Variants in MYO16 observed in about 807,000 individuals in gnomAD.
MYO16 encodes myosin XVI, also known as unconventional myosin-XVI.
Under a neutral mutation model 205.3 loss-of-function variants are expected in MYO16, and 94 were observed. That is an observed-to-expected ratio of 0.46 (90% CI 0.39 to 0.54). The LOEUF is 0.54. MYO16 is among the 20% of genes least tolerant of loss of function. MYO16 has a pLI of 0.00. For missense variants in MYO16, 2,315 were observed against 2,387.5 expected (o/e 0.97, Z 0.63); for synonymous variants, 988 against 954.0 (o/e 1.04, Z -0.66).
At chr13:108,917,257 C>T (rs1881539194) in intron 16 of MYO16, among the ~76,000 whole-genome samples, 1 of 152,204 alleles carries the variant, frequency 6.6e-6, no homozygotes, top group African/African-American at 2.4e-5. Flanking sequence ...GTCTTAGGCC[C>T]ATCCCGGGCC....
chr13:109,127,156 C>A lies in MYO16; in HGVS notation c.3783-126C>A. On this transcript the variant is annotated intron_variant, in intron 30 of 34. Transcript: ENST00000457511. This position sits in a 1 kb window ranked among gnomAD's most constrained non-coding sequence, Gnocchi z 4.2. The stretch of plus-strand genomic sequence containing the variant: ...CCAGAGGGCTGCACACGTCCTCCAG[C>A]CACAGCAGGAAGGGCTGCTTGCCAA... 1 of 1,260,878 alleles carries A rather than the reference C, an allele frequency of 7.9e-7. No homozygotes were observed. The highest frequency in any genetic ancestry group is 1.1e-6 in the Non-Finnish European group (1 of 940,916). The allele number at this position is 1,260,878 out of a possible 1,614,324, so 78.1% of individuals were successfully genotyped here.
chr13:109,101,899 G>A (rs896879866), intron 28 of MYO16: 1 of 152,154 alleles, frequency 6.6e-6, no homozygotes, highest in African/African-American at 2.4e-5. Flanking sequence ...GAAATGACAT[G>A]AGCTGATGAT....
intron 33 of MYO16, among the ~76,000 whole-genome samples, chr13:109,175,389 T>C (rs539754780): frequency 1.6e-4 from 25 of 152,274 alleles, no homozygotes; most frequent in Admixed American, 1.4e-3. Flanking sequence ...TTCTATGGAG[T>C]GTCCACAGCA....
chr13:109,145,160 T>C (rs1395701058), intron 32 of MYO16, among the ~76,000 whole-genome samples: 1 of 152,196 alleles, frequency 6.6e-6, no homozygotes, highest in Admixed American at 6.5e-5. Context: ...GTCTGAGTCA[T>C]CTAATTCTCA....
Position 109,090,021 on chromosome 13 carries a change from G to A in MYO16, c.3336-10764G>A, listed in dbSNP as rs564422010. ...GAGCCAAGAATTGCATGGGAAAGAC[G>A]TTTGCAGCAATGTGAAGTGTCACAA... is the stretch of plus-strand genomic sequence containing the variant. On this transcript the variant is annotated intron_variant, in intron 27 of 34. Transcript: ENST00000457511. 2.2e-4 allele frequency among the ~76,000 whole-genome samples: 33 copies of A among 152,346 alleles called. 1 individual carries two copies. In the South Asian group the frequency reaches 6.2e-3, roughly 29 times the overall value.
intron 1 of MYO16, among the ~76,000 whole-genome samples, chr13:108,602,015 G>T (rs374791211): frequency 6.6e-6 from 1 of 150,416 alleles, no homozygotes; most frequent in Non-Finnish European, 1.5e-5. Flanking sequence ...AGTCATAATG[G>T]TGGGGCCCTC....
intron 21 of MYO16, among the ~76,000 whole-genome samples, chr13:108,996,633 A>G (rs1885011300): frequency 6.6e-6 from 1 of 152,340 alleles, no homozygotes; most frequent in Non-Finnish European, 1.5e-5. Flanking sequence ...AAGGAAATGG[A>G]AAAAGCAGAA....
chr13:108,581,745 G>A, the MYO16 span, among the ~76,000 whole-genome samples: 17 of 151,948 alleles, frequency 1.1e-4, no homozygotes, highest in Non-Finnish European at 1.5e-4. Context: ...AATTAGCCAG[G>A]CATGGTGGTG....
chr13:108,765,539 T>A (rs1161599524), intron 4 of MYO16, among the ~76,000 whole-genome samples: 3 of 152,222 alleles, frequency 2.0e-5, no homozygotes, highest in Non-Finnish European at 4.4e-5. Flanking sequence ...CTGGGTTTTT[T>A]ACTCATTTTA....
intron 32 of MYO16, among the ~76,000 whole-genome samples, chr13:109,163,344 T>C (rs1022876345): frequency 2.8e-4 from 42 of 152,140 alleles, no homozygotes; most frequent in African/African-American, 9.2e-4. Flanking sequence ...CTTGTAGTGC[T>C]ATTTGAGGGT....
At chr13:108,633,079 G>A (rs1223703192) in intron 1 of MYO16, among the ~76,000 whole-genome samples, 1 of 152,012 alleles carries the variant, frequency 6.6e-6, no homozygotes, top group Admixed American at 6.6e-5. Flanking sequence ...TGCAGCAGGA[G>A]GAAGGTTAAA....
chr13:109,023,310 A>C (rs1465976436), intron 23 of MYO16, among the ~76,000 whole-genome samples: 4 of 85,654 alleles, frequency 4.7e-5, no homozygotes, highest in African/African-American at 1.9e-4. Context: ...ATAAATATAT[A>C]TATTTATATA....
chr13:108,865,583 T>A (rs1205513324), intron 11 of MYO16, among the ~76,000 whole-genome samples: 2 of 152,084 alleles, frequency 1.3e-5, no homozygotes, highest in Non-Finnish European at 2.9e-5. Flanking sequence ...CATATTTTAA[T>A]ACAATTTATA....
the MYO16 span, among the ~76,000 whole-genome samples, chr13:108,532,233 A>G: frequency 6.6e-6 from 1 of 151,936 alleles, no homozygotes; most frequent in African/African-American, 2.4e-5. Context: ...TAAAATAAAA[A>G]TAAATAAATG....
At chr13:109,023,447 A>G (rs1358983295) in intron 23 of MYO16, among the ~76,000 whole-genome samples, 1 of 96,662 alleles carries the variant, frequency 1.0e-5, no homozygotes, top group South Asian at 3.1e-4. Flanking sequence ...TTATACAGAT[A>G]TAAATATATA....
At chr13:108,709,132 C>T (rs1209282902) in intron 2 of MYO16, among the ~76,000 whole-genome samples, 1 of 152,076 alleles carries the variant, frequency 6.6e-6, no homozygotes. Flanking sequence ...TCTATTTGGT[C>T]CCCAGATGGC....
rs147672221 is a variant in MYO16, at chr13:108,932,523, T to G, written c.1925+22373T>G. Among the ~76,000 whole-genome samples, 275 of 152,376 alleles carry G rather than the reference T, an allele frequency of 1.8e-3. 1 individual carries two copies. Among genetic ancestry groups the G allele is most frequent in the African/African-American group, 6.2e-3 (256 of 41,586 alleles). ...ACTATTTTTATGTTAATTCCATAAA[T>G]ACATTCATTAAATTCCTTCATTAAA... On this transcript the variant is annotated intron_variant, in intron 16 of 34. Coordinates refer to ENST00000457511, the MANE Select transcript of MYO16 (RefSeq NM_001198950.3).
At position 109,141,486 on chromosome 13, in the gene MYO16, G is replaced by A; in HGVS notation, c.5164+110G>A. On this transcript the variant is annotated intron_variant, in intron 32 of 34. Coordinates refer to ENST00000457511, the MANE Select transcript of MYO16 (RefSeq NM_001198950.3). This position sits in a 1 kb window ranked among gnomAD's most constrained non-coding sequence, Gnocchi z 4.1. ...TGAAATAGTAAAGTTTCAGGTGATG[G>A]CCGTGGTCGTTCAGAGCAGATATCA... 1.3e-6 allele frequency: 1 copy of A among 779,056 alleles called. No individual in the cohort carries two copies. 48.3% of individuals were successfully genotyped at this position (779,056 alleles called of 1,614,324 possible).
chr13:108,886,850 T>G (rs1172153310), intron 13 of MYO16, among the ~76,000 whole-genome samples: 1 of 152,162 alleles, frequency 6.6e-6, no homozygotes, highest in Non-Finnish European at 1.5e-5. Flanking sequence ...AGTCCTGATA[T>G]ACAGAATGGA....
Sources: gnomAD v4.1 joint callset for allele counts (sites outside exome capture counted in the v4.1 genomes callset) on GRCh38, gnomAD v4.1.1 for gene constraint, Gnocchi (gnomAD v3.1) non-coding constraint, MANE v1.5 for transcripts, NCBI Gene and HGNC (gene_info 2026-07-23, HGNC 2026-07-21) for gene names.